Variants in PCBP3 observed in about 807,000 individuals in gnomAD.
The protein encoded by PCBP3 is poly(rC) binding protein 3, also known as poly(rC)-binding protein 3.
A neutral mutation model predicts 52.7 loss-of-function variants in PCBP3; 25 were observed. The ratio of observed to expected loss-of-function variants is 0.47; its 90% CI spans 0.35 to 0.66. PCBP3 has a LOEUF of 0.66. Among genes scored for constraint, PCBP3 ranks in the 30% least tolerant of loss-of-function variants. The probability of loss-of-function intolerance (pLI) is 0.01; values close to 1 mark genes in which losing one functional copy is unlikely to be tolerated. For synonymous variants in PCBP3, 162 were observed against 183.0 expected (o/e 0.89, Z 0.93); for missense variants, 391 against 490.3 (o/e 0.80, Z 1.91).
At chr21:45,919,814 GGTGTGT>G (rs749618031) in intron 13 of PCBP3, among the ~76,000 whole-genome samples, 3 of 148,708 alleles carry the variant, frequency 2.0e-5, no homozygotes, top group East Asian at 2.0e-4. Context: ...CAGAAGCAGA[GGTGTGT>G]GTGTGTGTGT....
intron 7 of PCBP3, among the ~76,000 whole-genome samples, chr21:45,899,908 A>T: frequency 6.6e-6 from 1 of 152,082 alleles, no homozygotes; most frequent in Non-Finnish European, 1.5e-5. Context: ...TCCCGGTTGA[A>T]GACCCCACGA....
chr21:45,836,396 C>T (rs557964202), intron 4 of PCBP3: 12 of 152,308 alleles, frequency 7.9e-5, no homozygotes, highest in Admixed American at 7.2e-4. Context: ...GTGCTTGCTG[C>T]CTGTAGCCAG....
intron 4 of PCBP3, among the ~76,000 whole-genome samples, chr21:45,806,343 G>C: frequency 6.6e-6 from 1 of 151,282 alleles, no homozygotes; most frequent in East Asian, 1.9e-4. Context: ...GGAAGTGGAG[G>C]TGAGGCCAGG....
At position 45,741,208 on chromosome 21, in the gene PCBP3, A is replaced by C. The variant is rs2086422346; in HGVS notation, c.-162+5779A>C. On this transcript the variant is annotated intron_variant, in intron 3 of 17. Transcript: ENST00000681687. The surrounding 1 kb of genome is among the most constrained non-coding windows in gnomAD (Gnocchi z 4.5). ...AGAAGGGCTGGAGGGTGATGTCGGGATGAGTGGGTCTGCAGTGGTCGGCCC... is the reference window on the plus strand; with the variant it reads ...AGAAGGGCTGGAGGGTGATGTCGGGCTGAGTGGGTCTGCAGTGGTCGGCCC... Among the ~76,000 whole-genome samples, 1 of 152,162 alleles carries C rather than the reference A, an allele frequency of 6.6e-6. No homozygotes were observed. Among genetic ancestry groups the C allele is most frequent in the Non-Finnish European group, 1.5e-5 (1 of 68,022 alleles).
At position 45,656,632 on chromosome 21, in the gene PCBP3, A is replaced by G. The variant is rs1466601400; in HGVS notation, c.-278-12242A>G. Among the ~76,000 whole-genome samples the G allele has an allele frequency of 6.6e-6, 1 of 152,194 alleles. No homozygotes were observed. Among genetic ancestry groups the G allele is most frequent in the East Asian group, 1.9e-4 (1 of 5,200 alleles). On this transcript the variant is annotated intron_variant, in intron 1 of 17. Transcript: ENST00000681687. The surrounding 1 kb of genome is among the most constrained non-coding windows in gnomAD (Gnocchi z 4.3). ...GTTCTGCACATGTATTCCAGAACTTAAAGTATAATAAATTAAAAAAAATAG... is the reference window on the plus strand; with the variant it reads ...GTTCTGCACATGTATTCCAGAACTTGAAGTATAATAAATTAAAAAAAATAG...
intron 4 of PCBP3, among the ~76,000 whole-genome samples, chr21:45,783,747 G>A (rs1039817235): frequency 2.6e-5 from 4 of 152,200 alleles, no homozygotes; most frequent in African/African-American, 9.7e-5. Context: ...AGGGATTTAA[G>A]AACATAGTTC....
At chr21:45,731,652 T>C (rs1175196897) in intron 2 of PCBP3, among the ~76,000 whole-genome samples, 1 of 152,222 alleles carries the variant, frequency 6.6e-6, no homozygotes, top group African/African-American at 2.4e-5. Context: ...CTGAGGACAT[T>C]GGGTTGCAGC....
At chr21:45,815,470 A>G (rs867970738) in intron 4 of PCBP3, among the ~76,000 whole-genome samples, 31 of 64,938 alleles carry the variant, frequency 4.8e-4, no homozygotes, top group South Asian at 7.8e-4. Flanking sequence ...TGAGTGAGTG[A>G]TGAGTGATGG....
At chr21:45,646,105 C>CTTGTG (rs1342511407) in intron 1 of PCBP3, among the ~76,000 whole-genome samples, 1 of 92,906 alleles carries the variant, frequency 1.1e-5, no homozygotes. Flanking sequence ...CTCTCTCTCT[C>CTTGTG]TCTGTGTGTG....
intron 5 of PCBP3, among the ~76,000 whole-genome samples, chr21:45,881,194 G>A (rs888676634): frequency 6.6e-6 from 1 of 152,162 alleles, no homozygotes; most frequent in Non-Finnish European, 1.5e-5. Flanking sequence ...GCTTTCTTTA[G>A]TCTGTTAATA....
intron 2 of PCBP3, among the ~76,000 whole-genome samples, chr21:45,698,070 T>C (rs142712054): frequency 8.1e-4 from 124 of 152,306 alleles, no homozygotes; most frequent in African/African-American, 2.9e-3. Flanking sequence ...CCCTGGGAGA[T>C]GTGAAAAACA....
At chr21:45,938,945 GACGTCCCTCCTGCATGCC>G (rs2077164460) in intron 16 of PCBP3, among the ~76,000 whole-genome samples, 1 of 152,250 alleles carries the variant, frequency 6.6e-6, no homozygotes, top group Admixed American at 6.5e-5. Flanking sequence ...CTTGCAAGTG[GACGTCCCTCCTGCATGCC>G]GCCACATGGC....
intron 3 of PCBP3, among the ~76,000 whole-genome samples, chr21:45,743,813 C>T (rs1047640018): frequency 1.3e-5 from 2 of 151,956 alleles, no homozygotes; most frequent in Non-Finnish European, 2.9e-5. Flanking sequence ...TGATAGCTTG[C>T]TTTCATAACA....
chr21:45,897,768 G>T (rs890427018), intron 6 of PCBP3, among the ~76,000 whole-genome samples: 1 of 152,144 alleles, frequency 6.6e-6, no homozygotes, highest in South Asian at 2.1e-4. Context: ...GCTGCTGTGG[G>T]TCCTGGGCTG....
chr21:45,889,053 T>G (rs553913575), intron 5 of PCBP3, among the ~76,000 whole-genome samples: 2 of 152,336 alleles, frequency 1.3e-5, no homozygotes, highest in South Asian at 4.1e-4. Context: ...CATAAGCAAG[T>G]AAGTAAAGAA....
At chr21:45,865,633 G>C (rs1354197708) in intron 5 of PCBP3, among the ~76,000 whole-genome samples, 3 of 152,158 alleles carry the variant, frequency 2.0e-5, no homozygotes, top group Non-Finnish European at 4.4e-5. Flanking sequence ...TCTGGGTCCT[G>C]ACTCATTTGG....
chr21:45,768,780 T>C (rs2089596787), intron 4 of PCBP3, among the ~76,000 whole-genome samples: 1 of 152,232 alleles, frequency 6.6e-6, no homozygotes, highest in African/African-American at 2.4e-5. Flanking sequence ...GGGCGCCATC[T>C]GCAGTTGGAG....
At chr21:45,769,804 T>C (rs985224479) in intron 4 of PCBP3, among the ~76,000 whole-genome samples, 1 of 152,238 alleles carries the variant, frequency 6.6e-6, no homozygotes, top group Admixed American at 6.5e-5. Flanking sequence ...GCCGCTCGTT[T>C]CACAAGTGAT....
chr21:45,665,503 G>T (rs2080738360), intron 1 of PCBP3, among the ~76,000 whole-genome samples: 2 of 152,136 alleles, frequency 1.3e-5, no homozygotes. Flanking sequence ...ATTTATAAGA[G>T]TCTTTAGGGC....
Sources: gnomAD v4.1 joint callset for allele counts (sites outside exome capture counted in the v4.1 genomes callset) on GRCh38, gnomAD v4.1.1 for gene constraint, Gnocchi (gnomAD v3.1) non-coding constraint, MANE v1.5 for transcripts, NCBI Gene and HGNC (gene_info 2026-07-23, HGNC 2026-07-21) for gene names.